The following TXNL4A variants were observed in gnomAD, a reference collection of about 807,000 sequenced individuals.
TXNL4A encodes the protein thioredoxin-like protein 4A.
TXNL4A carries 17 observed loss-of-function variants against 14.6 expected under a neutral mutation model. The ratio of observed to expected loss-of-function variants is 1.16; its 90% CI spans 0.80 to 1.74. The LOEUF (loss-of-function observed/expected upper bound fraction) is 1.74. Ranked by LOEUF, TXNL4A falls within the 40% of genes most tolerant of loss-of-function variation. The pLI is 0.00. For synonymous variants in TXNL4A, 83 were observed against 70.6 expected, an observed-to-expected ratio of 1.18 and a Z score of -0.88; for missense variants, 74 against 195.2, an observed-to-expected ratio of 0.38 and a Z score of 3.70.
intron 1 of TXNL4A, chr18:79,986,547 T>C: frequency 1.0e-6 from 1 of 980,664 alleles, no homozygotes; most frequent in African/African-American, 1.7e-5. Flanking sequence ...AACAAAGAAA[T>C]TGGACATAAA....
rs2051331339 is a variant in TXNL4A, at chr18:79,973,506, G to C, written c.*179C>G. 1.6e-6 allele frequency: 1 copy of C among 642,740 alleles called. No homozygotes were observed. The highest frequency in any genetic ancestry group is 2.4e-6 in the Non-Finnish European group (1 of 408,908). 39.8% of individuals were successfully genotyped at this position (642,740 alleles called of 1,614,324 possible). Reference sequence around the variant, plus strand: ...TAAGTTTCCTGAGAACAAACAAGTAGGCCTGCTCCTCTCACCACGTGCTTG... The same window carrying C: ...TAAGTTTCCTGAGAACAAACAAGTACGCCTGCTCCTCTCACCACGTGCTTG... On this transcript the variant is annotated 3_prime_UTR_variant, in exon 3 of 3. Transcript: ENST00000269601.
rs988273691 is a variant in TXNL4A, at chr18:80,002,335, G to A, written c.-60-24634C>T. Among the ~76,000 whole-genome samples, 6 of 152,170 alleles carry A rather than the reference G, an allele frequency of 3.9e-5. No homozygotes were observed. In the East Asian group the frequency reaches 5.8e-4, roughly 15 times the overall value. On this transcript the variant is annotated intron_variant, in intron 1 of 2. Transcript: ENST00000585474. ...TCTAGGTGCATGCTGATGAGAATAT[G>A]TTCCACCAAATCCAGGCTGCCCTCC...
chr18:80,028,622 T>G (rs954282285), intron 1 of TXNL4A, among the ~76,000 whole-genome samples: 15 of 152,180 alleles, frequency 9.9e-5, no homozygotes, highest in Admixed American at 8.5e-4. Flanking sequence ...CAGGATATGC[T>G]ATAGTTTCCT....
chr18:80,016,542 A>C (rs1167211927), intron 1 of TXNL4A, among the ~76,000 whole-genome samples: 2 of 152,208 alleles, frequency 1.3e-5, no homozygotes, highest in East Asian at 3.9e-4. Context: ...TTTTTGTATA[A>C]GGTGTAAGGA....
intron 1 of TXNL4A, among the ~76,000 whole-genome samples, chr18:80,001,988 C>T (rs1162361607): frequency 6.6e-6 from 1 of 152,102 alleles, no homozygotes; most frequent in Non-Finnish European, 1.5e-5. Context: ...TTGGCTGTGT[C>T]CCCACCCAAA....
chr18:80,018,626 A>C (rs868851923), intron 1 of TXNL4A, among the ~76,000 whole-genome samples: 13 of 152,242 alleles, frequency 8.5e-5, no homozygotes, highest in African/African-American at 3.1e-4. Flanking sequence ...AGAATCAAAA[A>C]GACGCAATAA....
chr18:79,992,565 G>C (rs906273134), upstream of TXNL4A, among the ~76,000 whole-genome samples: 3 of 152,098 alleles, frequency 2.0e-5, no homozygotes, highest in African/African-American at 7.2e-5. Flanking sequence ...TGGGAACTGG[G>C]TCAGGCAAAC....
At chr18:79,979,943 A>G (rs1170511038) in intron 1 of TXNL4A, among the ~76,000 whole-genome samples, 1 of 152,196 alleles carries the variant, frequency 6.6e-6, no homozygotes, top group Non-Finnish European at 1.5e-5. Context: ...TGTGTCCCCA[A>G]AACAGTTGAA....
chr18:80,006,007 C>T (rs906129230), intron 1 of TXNL4A, among the ~76,000 whole-genome samples: 19 of 152,114 alleles, frequency 1.2e-4, no homozygotes, highest in African/African-American at 4.6e-4. Flanking sequence ...ATTTTGTAGT[C>T]CCAAGTACTC....
At position 80,011,827 on chromosome 18, in the gene TXNL4A, AAAG is replaced by A. The variant is rs1311330669; in HGVS notation, c.-61+22021_-61+22023del. The stretch of plus-strand genomic sequence containing the variant: ...ATTTTATGTGAAGTTTACTCTCTAT[AAAG>A]TTTGGATGAAGACATTTTTTAAAGA... On this transcript the variant is annotated intron_variant, in intron 1 of 2. Transcript: ENST00000585474. The surrounding 1 kb of genome is among the most constrained non-coding windows in gnomAD (Gnocchi z 4.1). Among the ~76,000 whole-genome samples, 2 of 152,106 alleles carry A rather than the reference AAAG, an allele frequency of 1.3e-5. No individual in the cohort carries two copies. The highest frequency in any genetic ancestry group is 4.8e-5 in the African/African-American group (2 of 41,416).
chr18:80,010,889 G>A (rs1254111190), intron 1 of TXNL4A, among the ~76,000 whole-genome samples: 3 of 152,056 alleles, frequency 2.0e-5, no homozygotes, highest in Non-Finnish European at 4.4e-5. Flanking sequence ...GTCTACCTAA[G>A]GCAAGCTAAC....
chr18:79,973,864 G>A lies in TXNL4A; in HGVS notation c.258-8C>T, dbSNP rs536536457. ...ATCATGATGTGCTTGTTCCTGCAACGAGAAACAAGGGCATCCATTCTCATA... is the reference window on the plus strand; with the variant it reads ...ATCATGATGTGCTTGTTCCTGCAACAAGAAACAAGGGCATCCATTCTCATA... On this transcript the variant is annotated splice_region_variant and splice_polypyrimidine_tract_variant and intron_variant, in intron 2 of 2. Coordinates refer to ENST00000269601, the MANE Select transcript of TXNL4A (RefSeq NM_006701.5). The A allele has an allele frequency of 1.7e-5, 28 of 1,612,504 alleles. No individual in the cohort carries two copies. Among genetic ancestry groups the A allele is most frequent in the South Asian group, 9.9e-5 (9 of 90,674 alleles).
At chr18:79,986,666 G>A (rs2051553622) in intron 1 of TXNL4A, 1 of 985,462 alleles carries the variant, frequency 1.0e-6, no homozygotes, top group South Asian at 4.7e-5. Flanking sequence ...GATGTGATGA[G>A]ACAAAGGCCC....
chr18:80,033,618 G>A (rs1465537869), intron 1 of TXNL4A, among the ~76,000 whole-genome samples: 1 of 152,236 alleles, frequency 6.6e-6, no homozygotes, highest in African/African-American at 2.4e-5. Context: ...TCCAGGCTTC[G>A]ATGCCTTCGT....
intron 1 of TXNL4A, among the ~76,000 whole-genome samples, chr18:80,002,767 T>A (rs1345880743): frequency 3.3e-5 from 5 of 152,254 alleles, no homozygotes. Context: ...AACTCCTTTG[T>A]GCATGACCTC....
At chr18:79,988,152 C>G (rs2051583512) in intron 1 of TXNL4A, 88 bp downstream of exon 1, 1 of 1,318,002 alleles carries the variant, frequency 7.6e-7, no homozygotes, top group Non-Finnish European at 9.8e-7. Flanking sequence ...CGGGGAACAG[C>G]TCGCGCCCCC....
At chr18:80,012,330 T>C (rs962851916) in intron 1 of TXNL4A, among the ~76,000 whole-genome samples, 52 of 152,232 alleles carry the variant, frequency 3.4e-4, no homozygotes, top group African/African-American at 1.1e-3. Flanking sequence ...TGACCTTCCG[T>C]TTTGGTATGT....
upstream of TXNL4A, among the ~76,000 whole-genome samples, chr18:79,992,374 A>G (rs1197793623): frequency 6.6e-6 from 1 of 152,178 alleles, no homozygotes; most frequent in African/African-American, 2.4e-5. Flanking sequence ...AGAGAGAAAC[A>G]TTTAATAGGG....
At chr18:79,987,628 T>C (rs1184145429) in intron 1 of TXNL4A, among the ~76,000 whole-genome samples, 2 of 152,236 alleles carry the variant, frequency 1.3e-5, no homozygotes, top group Non-Finnish European at 2.9e-5. Flanking sequence ...CAACTTTTAT[T>C]GTCAGCAAGT....
Sources: allele counts gnomAD v4.1 joint callset (sites outside exome capture counted in the v4.1 genomes callset), GRCh38; gene constraint gnomAD v4.1.1; non-coding constraint Gnocchi (gnomAD v3.1); transcripts MANE v1.5; gene names NCBI Gene and HGNC (gene_info 2026-07-23, HGNC 2026-07-21).